Variants in PAX5 observed in about 807,000 individuals in gnomAD.
PAX5 encodes paired box 5.
In PAX5, 9 loss-of-function variants were observed where a neutral mutation model predicts 43.7. That is an observed-to-expected ratio of 0.21 (90% confidence interval 0.12 to 0.36). The LOEUF (loss-of-function observed/expected upper bound fraction) is 0.36. Among genes scored for constraint, PAX5 ranks in the 10% least tolerant of loss-of-function variants. The pLI, the probability that PAX5 is intolerant of heterozygous loss-of-function variation, is 1.00. For synonymous variants in PAX5, 228 were observed against 214.3 expected (o/e 1.06, Z -0.56); for missense variants, 383 against 532.7 (o/e 0.72, Z 2.77).
At chr9:36,977,435 C>T (rs141150898) in intron 5 of PAX5, among the ~76,000 whole-genome samples, 3 of 152,298 alleles carry the variant, frequency 2.0e-5, no homozygotes, top group African/African-American at 7.2e-5. Context: ...TACACTAACT[C>T]ACTCCACTTA....
At chr9:37,027,932 T>C (rs1008961090) in intron 1 of PAX5, among the ~76,000 whole-genome samples, 1 of 152,174 alleles carries the variant, frequency 6.6e-6, no homozygotes, top group Admixed American at 6.5e-5. Flanking sequence ...ACAAACGCGC[T>C]GGACTAAGGC....
intron 5 of PAX5, among the ~76,000 whole-genome samples, chr9:36,988,681 AAAAAAGAG>A (rs766693607): frequency 0.046 from 2,265 of 49,620 alleles, 8 homozygotes; most frequent in East Asian, 0.23. Flanking sequence ...AAAAAAAAAA[AAAAAAGAG>A]AGAGAGAGAG....
intron 1 of PAX5, 114 bp from the exon 2 acceptor site, chr9:37,020,915 G>A: frequency 5.4e-6 from 6 of 1,108,868 alleles, no homozygotes; most frequent in South Asian, 1.5e-5. Context: ...CCGGCAGGCT[G>A]GATGTCTCGC....
At chr9:36,915,594 T>C (rs1306703882) in intron 7 of PAX5, among the ~76,000 whole-genome samples, 1 of 152,226 alleles carries the variant, frequency 6.6e-6, no homozygotes, top group East Asian at 1.9e-4. Context: ...GCTCTTTATA[T>C]ATTGAGGAAA....
At chr9:37,031,965 C>A (rs1394056354) in intron 1 of PAX5, among the ~76,000 whole-genome samples, 3 of 152,226 alleles carry the variant, frequency 2.0e-5, no homozygotes, top group African/African-American at 4.8e-5. Flanking sequence ...CCTTTGAGCA[C>A]CAGCTTGGAC....
At chr9:36,962,417 G>GA (rs1302169313) in intron 6 of PAX5, among the ~76,000 whole-genome samples, 1 of 151,920 alleles carries the variant, frequency 6.6e-6, no homozygotes, top group Non-Finnish European at 1.5e-5. Flanking sequence ...AACAATCTGT[G>GA]AAAAAAAATG....
Position 36,843,040 on chromosome 9 carries a change from ATG to A in PAX5, c.1100-2406_1100-2405del, listed in dbSNP as rs202058381. On this transcript the variant is annotated intron_variant, in intron 9 of 9. Coordinates refer to ENST00000358127, the MANE Select transcript of PAX5 (RefSeq NM_016734.3). ...TGTGTGTATGTGCGTGTATGTGTGCATGTGTGTGTGAGTGTATCAGTGTGTGA... is the reference window on the plus strand; with the variant it reads ...TGTGTGTATGTGCGTGTATGTGTGCATGTGTGTGAGTGTATCAGTGTGTGA... Among the ~76,000 whole-genome samples, 1,342 of 151,020 alleles carry A rather than the reference ATG, an allele frequency of 8.9e-3. 12 individuals carry two copies. Among genetic ancestry groups the A allele is most frequent in the Non-Finnish European group, 0.014 (950 of 67,614 alleles).
intron 6 of PAX5, among the ~76,000 whole-genome samples, chr9:36,944,901 G>T (rs1161623806): frequency 6.6e-6 from 1 of 152,208 alleles, no homozygotes; most frequent in Non-Finnish European, 1.5e-5. Context: ...ATGCTGCTCT[G>T]TGCCTATGGT....
rs35469494 is a variant in PAX5, at chr9:36,846,913, C to G, written c.1029G>C (p.Gly343=). 6.2e-7 allele frequency: 1 copy of G among 1,613,582 alleles called. No individual in the cohort carries two copies. Among genetic ancestry groups the G allele is most frequent in the South Asian group, 1.1e-5 (1 of 91,060 alleles). ...AATACTGAGGGTGGCTGTAGGGACT[C>G]CCGGAAAACTCACTCCCTGTGTATG... The part of the protein sequence containing the change: ...TGMVPGSEFS[G]SPYSHPQYSS... The change falls in exon 9 of 10, where the codon GGG becomes GGC. Residue 343 remains glycine, a synonymous_variant. Coordinates refer to ENST00000358127, the MANE Select transcript of PAX5 (RefSeq NM_016734.3).
At chr9:36,921,094 T>C (rs1830138181) in intron 7 of PAX5, among the ~76,000 whole-genome samples, 1 of 152,180 alleles carries the variant, frequency 6.6e-6, no homozygotes, top group Non-Finnish European at 1.5e-5. Flanking sequence ...ATTACAGGCG[T>C]GAGCCACTGC....
At chr9:36,984,813 C>T (rs1024367876) in intron 5 of PAX5, among the ~76,000 whole-genome samples, 2 of 152,114 alleles carry the variant, frequency 1.3e-5, no homozygotes, top group East Asian at 1.9e-4. Context: ...TCACCACACT[C>T]GCCTATCACA....
chr9:37,000,523 C>G (rs553467849), intron 5 of PAX5, among the ~76,000 whole-genome samples: 1 of 152,316 alleles, frequency 6.6e-6, no homozygotes, highest in South Asian at 2.1e-4. Flanking sequence ...GAGGCCTAGG[C>G]AGGCACATCA....
intron 5 of PAX5, among the ~76,000 whole-genome samples, chr9:36,989,561 T>C (rs1836752558): frequency 6.6e-6 from 1 of 152,238 alleles, no homozygotes; most frequent in Admixed American, 6.5e-5. Flanking sequence ...TTTGGTGCTG[T>C]GATCTATACA....
intron 1 of PAX5, among the ~76,000 whole-genome samples, chr9:37,025,425 G>T (rs375579656): frequency 2.6e-5 from 4 of 152,120 alleles, no homozygotes; most frequent in East Asian, 3.9e-4. Flanking sequence ...GTTGGGATGG[G>T]GGGGAGCGGG....
At position 36,840,588 on chromosome 9, in the gene PAX5, G is replaced by A. The variant is rs1821956267; in HGVS notation, c.1148C>T (p.Ala383Val). ...SAAARGAAPP[A>V]AATAYDRH is the part of the protein sequence containing the mutation. Reference sequence around the variant, plus strand: ...GTGACGGTCATAGGCAGTGGCGGCTGCAGGTGGGGCGGCTCCTCGGGCGGC... The same window carrying A: ...GTGACGGTCATAGGCAGTGGCGGCTACAGGTGGGGCGGCTCCTCGGGCGGC... Residue 383 changes from alanine (A) to valine (V), a missense_variant, in exon 10 of 10, where the codon GCA (alanine) becomes GTA (valine). By Grantham distance (64) the Ala-to-Val change is moderately conservative. This residue lies in a region of PAX5 where 291 missense variants were observed against 342.5 expected (regional missense o/e 0.85). Transcript: ENST00000358127. 2 of 1,585,366 alleles carry A rather than the reference G, an allele frequency of 1.3e-6. No individual in the cohort carries two copies. Among genetic ancestry groups the A allele is most frequent in the Non-Finnish European group, 1.7e-6 (2 of 1,166,928 alleles).
intron 5 of PAX5, among the ~76,000 whole-genome samples, chr9:36,968,556 T>G (rs1303702776): frequency 6.6e-6 from 1 of 152,056 alleles, no homozygotes; most frequent in Non-Finnish European, 1.5e-5. Context: ...TCCCCACCAA[T>G]TTTGACCCAA....
At chr9:36,913,567 G>A (rs2131916318) in intron 7 of PAX5, among the ~76,000 whole-genome samples, 1 of 152,346 alleles carries the variant, frequency 6.6e-6, no homozygotes, top group East Asian at 1.9e-4. Context: ...TCCCAATCAG[G>A]ACAGGCCCAA....
intron 8 of PAX5, among the ~76,000 whole-genome samples, chr9:36,878,914 A>G (rs1217118876): frequency 6.6e-6 from 1 of 152,198 alleles, no homozygotes; most frequent in East Asian, 1.9e-4. Flanking sequence ...GAGATGCATG[A>G]GAAGAGACAG....
chr9:36,917,857 G>C (rs1829844313), intron 7 of PAX5, among the ~76,000 whole-genome samples: 1 of 152,178 alleles, frequency 6.6e-6, no homozygotes, highest in Non-Finnish European at 1.5e-5. Context: ...GGTAATTTTT[G>C]CGACATTTCA....
Sources: gnomAD v4.1 joint callset for allele counts (sites outside exome capture counted in the v4.1 genomes callset) on GRCh38, gnomAD v4.1.1 for gene constraint, gnomAD v4.1.1 regional missense constraint, MANE v1.5 for transcripts, NCBI Gene and HGNC (gene_info 2026-07-23, HGNC 2026-07-21) for gene names.